Variants in DYSF observed in about 807,000 individuals in gnomAD.
DYSF encodes dysferlin.
A neutral mutation model predicts 274.9 loss-of-function variants in DYSF; 212 were observed. The observed-to-expected ratio is 0.77, with a 90% CI of 0.69 to 0.86. DYSF has a LOEUF of 0.86. DYSF is among the 40% of genes least tolerant of loss of function. DYSF has a pLI of 0.00. For synonymous variants in DYSF, 1,091 were observed against 1,078.7 expected (o/e 1.01, Z -0.22); for missense variants, 2,666 against 2,783.2 (o/e 0.96, Z 0.95).
chr2:71,577,529 C>CT (rs1558522531), intron 30 of DYSF, among the ~76,000 whole-genome samples: 2 of 56,234 alleles, frequency 3.6e-5, no homozygotes, highest in East Asian at 7.8e-4. Flanking sequence ...GCAGCCCCCC[C>CT]ACTCTCACAC....
rs1466788022 is a variant in DYSF, at chr2:71,564,202, ATCTT to A, written c.2558_2561del (p.Phe853Ter). On this transcript the variant is annotated frameshift_variant, in exon 24 of 56. Coordinates refer to ENST00000410020, the MANE Select transcript of DYSF (RefSeq NM_001130987.2). LOFTEE classifies it high-confidence loss of function. ...CAAGAATTGTGGGAAGCTACAGACA[ATCTT>A]TCTGAAAGTGAGTTTTCTTTTTTCC... The A allele has an allele frequency of 6.2e-7, 1 of 1,614,066 alleles. No individual in the cohort carries two copies. The highest frequency in any genetic ancestry group is 1.3e-5 in the African/African-American group (1 of 74,912).
At position 71,570,269 on chromosome 2, in the gene DYSF, C is replaced by T. The variant is rs756935601; in HGVS notation, c.3020C>T (p.Pro1007Leu). The change falls in exon 28 of 56, where the codon CCA becomes CTA. Residue 1007 changes from proline (P) to leucine (L), a missense_variant. Pro to Leu is a moderately conservative substitution (Grantham distance 98). Transcript: ENST00000410020. ...CTTCCCAAGGATGACATTGAGTGCC[C>T]ACTGGGCTGGAAGTGGGAAGATGAG... ...KVLPKDDIEC[P>L]LGWKWEDEEW... is the part of the protein sequence containing the mutation. 3.1e-6 allele frequency: 5 copies of T among 1,614,020 alleles called. No individual in the cohort carries two copies. The highest frequency in any genetic ancestry group is 1.7e-5 in the Admixed American group (1 of 60,002).
At chr2:71,639,648 T>A (rs1033959427) in intron 41 of DYSF, among the ~76,000 whole-genome samples, 5 of 152,248 alleles carry the variant, frequency 3.3e-5, no homozygotes, top group Admixed American at 6.5e-5. Context: ...AACAGTTCCT[T>A]ATTGTTGGAC....
intron 12 of DYSF, among the ~76,000 whole-genome samples, chr2:71,522,526 C>T (rs946882326): frequency 4.6e-5 from 7 of 152,170 alleles, no homozygotes; most frequent in Non-Finnish European, 1.5e-5. Flanking sequence ...TTCGATGTTG[C>T]AGTTCAGTCC....
intron 38 of DYSF, among the ~76,000 whole-genome samples, chr2:71,612,186 C>T (rs185171287): frequency 5.9e-4 from 90 of 152,322 alleles, no homozygotes; most frequent in Admixed American, 1.4e-3. Context: ...CTTGGCCGAG[C>T]CAAAGCCGCC....
chr2:71,681,024 G>T lies in DYSF; in HGVS notation c.6087G>T (p.Glu2029Asp). ...AGGGCAAGCTGGAAATGACCTTGGA[G>T]ATTGTAGCAGAGAGTGAGCATGAGG... ...ILAGKLEMTL[E>D]IVAESEHEER... Residue 2029 changes from glutamate to aspartate, a missense_variant, in exon 54 of 56, where the codon GAG (glutamate) becomes GAT (aspartate). Physicochemically the swap from Glu to Asp is conservative, Grantham distance 45. Around this residue, in one of 3 missense-constraint regions of DYSF, gnomAD observed 1,460 missense variants for 1,502.1 expected, o/e 0.97. Transcript: ENST00000410020. 1 of 1,614,226 alleles carries T rather than the reference G, an allele frequency of 6.2e-7. No individual in the cohort carries two copies. Among genetic ancestry groups the T allele is most frequent in the Non-Finnish European group, 8.5e-7 (1 of 1,180,048 alleles).
chr2:71,665,114 A>C (rs1047844514), intron 46 of DYSF, 48 bp from the exon 47 acceptor site: 2 of 1,611,328 alleles, frequency 1.2e-6, no homozygotes, highest in Non-Finnish European at 1.7e-6. Flanking sequence ...CTCTACCCTC[A>C]TGAGTGTCCT....
intron 8 of DYSF, 40 bp downstream of exon 8, chr2:71,515,791 C>T: frequency 1.2e-6 from 2 of 1,612,868 alleles, no homozygotes; most frequent in Non-Finnish European, 1.7e-6. Flanking sequence ...CCTTGGTGGG[C>T]CTTCCAATCT....
rs750080167 is a variant in DYSF at position 71,589,622 on chromosome 2, T to G, written c.3432T>G (p.Asp1144Glu). 1.9e-6 allele frequency: 3 copies of G among 1,613,988 alleles called. No homozygotes were observed. The highest frequency in any genetic ancestry group is 1.7e-5 in the Admixed American group (1 of 60,008). The change falls in exon 31 of 56, where the codon GAT becomes GAG. Residue 1144 changes from aspartate to glutamate, a missense_variant. Physicochemically the swap from Asp to Glu is conservative, Grantham distance 45. This residue lies in a region of DYSF where 1,460 missense variants were observed against 1,502.1 expected (regional missense o/e 0.97). Transcript: ENST00000410020. ...GCGTGATGGATGACAAGAGTGAAGA[T>G]TCCATGTCCGTCTCCACCTTGAGCT... ...LGGVMDDKSE[D>E]SMSVSTLSFG...
chr2:71,626,435 A>G (rs973107591), intron 41 of DYSF, among the ~76,000 whole-genome samples: 10 of 116,122 alleles, frequency 8.6e-5, no homozygotes, highest in Middle Eastern at 4.1e-3. Flanking sequence ...ACATAATTAT[A>G]TAATATATTT....
chr2:71,551,612 A>G lies in DYSF; in HGVS notation c.1698A>G (p.Glu566=). The change falls in exon 19 of 56, where the codon GAA becomes GAG. Residue 566 remains glutamate (E), a synonymous_variant. Transcript: ENST00000410020. ...PYTELNTGKG[E]GVAYRGRLLL... is the part of the protein sequence containing the mutation. ...TGACCTGACCTCCCTGGCAGGGGGA[A>G]GGTGTGGCTTATCGTGGCCGGCTTC... 2 of 1,605,442 alleles carry G rather than the reference A, an allele frequency of 1.2e-6. No individual in the cohort carries two copies. Among genetic ancestry groups the G allele is most frequent in the Non-Finnish European group, 1.7e-6 (2 of 1,177,526 alleles).
At chr2:71,562,975 T>C (rs2091868465) in intron 23 of DYSF, among the ~76,000 whole-genome samples, 1 of 152,188 alleles carries the variant, frequency 6.6e-6, no homozygotes, top group Non-Finnish European at 1.5e-5. Flanking sequence ...GTGCTGTCAC[T>C]GTAAGGGCCC....
At chr2:71,481,350 C>CA (rs1301065323) in intron 2 of DYSF, among the ~76,000 whole-genome samples, 1 of 152,238 alleles carries the variant, frequency 6.6e-6, no homozygotes, top group East Asian at 1.9e-4. Context: ...CAGCTCCCTG[C>CA]ATACATGGCT....
intron 41 of DYSF, among the ~76,000 whole-genome samples, chr2:71,631,941 C>G (rs192925475): frequency 6.6e-6 from 1 of 152,074 alleles, no homozygotes; most frequent in African/African-American, 2.4e-5. Flanking sequence ...CACCATCCGG[C>G]GCTCCTTGCC....
In DYSF at chr2:71,466,753, G is replaced by A. The variant is rs2081560163; in HGVS notation, c.-90G>A. On this transcript the variant is annotated 5_prime_UTR_variant, in exon 1 of 56. Transcript: ENST00000410020. ...CAGCTCTCTTGGCGCGGCTGCCTGG[G>A]AGCCGGGCGCTTGCTGGGTGGGTGC... is the stretch of plus-strand genomic sequence containing the variant. 22 of 1,412,662 alleles carry A rather than the reference G, an allele frequency of 1.6e-5. No homozygotes were observed. Among genetic ancestry groups the A allele is most frequent in the Admixed American group, 2.8e-5 (1 of 36,282 alleles). The allele number at this position is 1,412,662 out of a possible 1,614,324, so 87.5% of individuals were successfully genotyped here.
At chr2:71,679,946 C>A (rs2095275726) in intron 53 of DYSF, among the ~76,000 whole-genome samples, 1 of 152,172 alleles carries the variant, frequency 6.6e-6, no homozygotes, top group Non-Finnish European at 1.5e-5. Context: ...TAGTCCCCCC[C>A]TTATCTGGAG....
rs148732505 is a variant in DYSF, at chr2:71,570,214, C to T, written c.2980-15C>T. On this transcript the variant is annotated splice_polypyrimidine_tract_variant and intron_variant, in intron 27 of 55. Transcript: ENST00000410020. ...TGTCTCCTCTCATTGCTTGCCTGTT[C>T]GGTTTTGTCCTTAGAACGGGGAGAA... The T allele has an allele frequency of 8.8e-4, 1,416 of 1,610,758 alleles. 12 individuals carry two copies. The African/African-American group carries it at 0.014, about 16-fold the overall frequency.
chr2:71,639,710 A>G (rs2094458456), intron 41 of DYSF, among the ~76,000 whole-genome samples: 1 of 152,214 alleles, frequency 6.6e-6, no homozygotes, highest in African/African-American at 2.4e-5. Context: ...ATCTTTATGC[A>G]TATCCATGAT....
chr2:71,469,281 A>AG (rs971566433), intron 1 of DYSF, among the ~76,000 whole-genome samples: 5 of 152,160 alleles, frequency 3.3e-5, no homozygotes, highest in African/African-American at 1.2e-4. Context: ...CAGAGCATGT[A>AG]GGCTGGGGGG....
Sources: gnomAD v4.1 joint callset for allele counts (sites outside exome capture counted in the v4.1 genomes callset) on GRCh38, gnomAD v4.1.1 for gene constraint, gnomAD v4.1.1 regional missense constraint, MANE v1.5 for transcripts, NCBI Gene and HGNC (gene_info 2026-07-23, HGNC 2026-07-21) for gene names.